Variants in ELMO1 observed in about 807,000 individuals in gnomAD.
ELMO1 encodes the protein engulfment and cell motility protein 1.
ELMO1 carries 26 observed loss-of-function variants against 98.9 expected under a neutral mutation model. The observed-to-expected ratio is 0.26, with a 90% CI of 0.19 to 0.36. The LOEUF is 0.36. ELMO1 is among the 10% of genes least tolerant of loss of function. ELMO1 has a pLI of 1.00. For synonymous variants in ELMO1, 346 were observed against 346.0 expected, an observed-to-expected ratio of 1.00 and a Z score of 0.00; for missense variants, 627 against 935.2, an observed-to-expected ratio of 0.67 and a Z score of 4.30.
At chr7:37,240,479 C>T (rs1249649150) in intron 7 of ELMO1, among the ~76,000 whole-genome samples, 1 of 151,400 alleles carries the variant, frequency 6.6e-6, no homozygotes, top group African/African-American at 2.4e-5. Context: ...TATTATTTGC[C>T]TGTTTCCTAT....
intron 16 of ELMO1, among the ~76,000 whole-genome samples, chr7:36,906,613 C>T (rs1460075915): frequency 2.0e-5 from 3 of 152,136 alleles, no homozygotes; most frequent in Admixed American, 1.3e-4. Context: ...AGACCAGTGT[C>T]CACCGCTGAG....
intron 16 of ELMO1, among the ~76,000 whole-genome samples, chr7:36,912,363 C>T (rs1784399983): frequency 6.6e-6 from 1 of 152,162 alleles, no homozygotes; most frequent in African/African-American, 2.4e-5. Context: ...AAGGAATGCC[C>T]ATGCTTAGGA....
intron 13 of ELMO1, among the ~76,000 whole-genome samples, chr7:37,161,720 G>C (rs962713733): frequency 4.0e-5 from 6 of 150,762 alleles, no homozygotes; most frequent in African/African-American, 1.5e-4. Context: ...CAAAACTCAT[G>C]ACCCTAAACC....
intron 15 of ELMO1, among the ~76,000 whole-genome samples, chr7:37,083,447 A>G (rs1783584848): frequency 6.6e-6 from 1 of 152,204 alleles, no homozygotes; most frequent in Non-Finnish European, 1.5e-5. Context: ...TTTCCATTTA[A>G]AAAAATGCAA....
At chr7:37,301,501 G>A (rs1798342938) in intron 4 of ELMO1, among the ~76,000 whole-genome samples, 1 of 152,098 alleles carries the variant, frequency 6.6e-6, no homozygotes, top group African/African-American at 2.4e-5. Flanking sequence ...TGATGACCAA[G>A]GTTGCCTTGA....
At chr7:37,355,508 GC>G (rs1342194563) in intron 1 of ELMO1, among the ~76,000 whole-genome samples, 2 of 152,208 alleles carry the variant, frequency 1.3e-5, no homozygotes, top group Non-Finnish European at 2.9e-5. Flanking sequence ...TAATAACTTT[GC>G]TTTAAGTTCA....
intron 14 of ELMO1, among the ~76,000 whole-genome samples, chr7:37,115,381 AAATAG>A (rs1194818487): frequency 6.6e-6 from 1 of 152,222 alleles, no homozygotes; most frequent in Non-Finnish European, 1.5e-5. Flanking sequence ...AACAATCTAT[AAATAG>A]AATTATGCAC....
chr7:37,218,911 T>C (rs1404812020), intron 10 of ELMO1, among the ~76,000 whole-genome samples: 1 of 152,214 alleles, frequency 6.6e-6, no homozygotes, highest in African/African-American at 2.4e-5. Flanking sequence ...AACTAACAAG[T>C]TTTTTAAATA....
At chr7:36,900,653 G>A (rs1806430560) in intron 16 of ELMO1, among the ~76,000 whole-genome samples, 1 of 152,180 alleles carries the variant, frequency 6.6e-6, no homozygotes, top group African/African-American at 2.4e-5. Context: ...GTACAATGGT[G>A]TATGCTGCTG....
chr7:37,046,838 G>C (rs1319047375), intron 15 of ELMO1, among the ~76,000 whole-genome samples: 1 of 152,130 alleles, frequency 6.6e-6, no homozygotes, highest in Non-Finnish European at 1.5e-5. Flanking sequence ...AGGGAACCTG[G>C]GAATGCTAAG....
chr7:37,168,896 C>T, intron 13 of ELMO1, among the ~76,000 whole-genome samples: 1 of 152,212 alleles, frequency 6.6e-6, no homozygotes, highest in South Asian at 2.1e-4. Flanking sequence ...TTTAAGTCTG[C>T]AGAGGTTACC....
intron 1 of ELMO1, among the ~76,000 whole-genome samples, chr7:37,370,069 T>A (rs1050121259): frequency 6.6e-6 from 1 of 152,222 alleles, no homozygotes; most frequent in Non-Finnish European, 1.5e-5. Flanking sequence ...GAGAAGAGAC[T>A]AGAAGTCTCT....
chr7:37,268,728 G>C (rs1024321256), intron 5 of ELMO1, among the ~76,000 whole-genome samples: 1 of 152,236 alleles, frequency 6.6e-6, no homozygotes, highest in Admixed American at 6.5e-5. Flanking sequence ...CATGTACAAG[G>C]CCTATTACAA....
At chr7:37,192,349 G>A (rs1024040284) in intron 13 of ELMO1, among the ~76,000 whole-genome samples, 1 of 151,524 alleles carries the variant, frequency 6.6e-6, no homozygotes, top group Non-Finnish European at 1.5e-5. Context: ...ACAAAAATTC[G>A]CTGGATGTGG....
At position 37,211,470 on chromosome 7, in the gene ELMO1, A is replaced by G. The variant is rs1045212275; in HGVS notation, c.1002T>C (p.Ala334=). 1 of 1,613,948 alleles carries G rather than the reference A, an allele frequency of 6.2e-7. No individual in the cohort carries two copies. The highest frequency in any genetic ancestry group is 8.5e-7 in the Non-Finnish European group (1 of 1,179,978). Residue 334 remains alanine (A), a synonymous_variant, in exon 13 of 22, where the codon GCT becomes GCC. Transcript: ENST00000310758. ...IFELRRIAFD[A]ESEPNNSSGS... ...CACTGCTGTTGTTAGGTTCAGACTC[A>G]GCATCAAAAGCAATTCTTCGAAGTT...
chr7:37,276,457 A>G (rs1796838317), intron 4 of ELMO1, among the ~76,000 whole-genome samples: 1 of 152,030 alleles, frequency 6.6e-6, no homozygotes, highest in African/African-American at 2.4e-5. Context: ...AAATACAAAA[A>G]AAAATTAGCC....
intron 13 of ELMO1, among the ~76,000 whole-genome samples, chr7:37,138,737 T>C (rs1162339153): frequency 6.6e-6 from 1 of 152,066 alleles, no homozygotes; most frequent in Non-Finnish European, 1.5e-5. Context: ...GCCAGTATCA[T>C]CTTAATACCA....
chr7:37,352,807 G>T (rs749154913), intron 1 of ELMO1, among the ~76,000 whole-genome samples: 3 of 152,180 alleles, frequency 2.0e-5, no homozygotes, highest in Admixed American at 2.0e-4. Context: ...CAAAGCAACG[G>T]AAGATAAAAC....
chr7:37,129,923 C>G (rs1355159738), intron 14 of ELMO1, among the ~76,000 whole-genome samples: 1 of 152,194 alleles, frequency 6.6e-6, no homozygotes, highest in Non-Finnish European at 1.5e-5. Flanking sequence ...CCTGCCCTGG[C>G]CATCCTATAC....
Sources: allele counts gnomAD v4.1 joint callset (sites outside exome capture counted in the v4.1 genomes callset), GRCh38; gene constraint gnomAD v4.1.1; transcripts MANE v1.5; gene names NCBI Gene and HGNC (gene_info 2026-07-23, HGNC 2026-07-21).